Variants in BBS9 observed in about 807,000 individuals in gnomAD.
The protein encoded by BBS9 is Bardet-Biedl syndrome 9.
Under a neutral mutation model 117.7 loss-of-function variants are expected in BBS9, and 89 were observed. That is an observed-to-expected ratio of 0.76 (90% CI 0.64 to 0.90). The LOEUF (loss-of-function observed/expected upper bound fraction) is 0.90. Among genes scored for constraint, BBS9 ranks in the 40% least tolerant of loss-of-function variants. BBS9 has a pLI of 0.00. For synonymous variants in BBS9, 379 were observed against 370.9 expected (o/e 1.02, Z -0.25); for missense variants, 982 against 1,042.2 (o/e 0.94, Z 0.80).
intron 5 of BBS9, among the ~76,000 whole-genome samples, chr7:33,227,625 C>T (rs1340131506): frequency 6.6e-6 from 1 of 151,994 alleles, no homozygotes; most frequent in African/African-American, 2.4e-5. Flanking sequence ...CAACCTTCCC[C>T]CTACCCCCAA....
intron 19 of BBS9, among the ~76,000 whole-genome samples, chr7:33,452,232 T>C (rs1258543662): frequency 6.6e-6 from 1 of 152,104 alleles, no homozygotes; most frequent in African/African-American, 2.4e-5. Context: ...GTTTTTAGTG[T>C]ACAAGTCTTC....
At chr7:33,334,669 A>G (rs1468861642) in intron 9 of BBS9, among the ~76,000 whole-genome samples, 4 of 152,244 alleles carry the variant, frequency 2.6e-5, no homozygotes, top group South Asian at 2.1e-4. Context: ...TTTTTGGACT[A>G]TTTGTTTTCT....
intron 5 of BBS9, among the ~76,000 whole-genome samples, chr7:33,248,917 A>G (rs1426308623): frequency 6.6e-6 from 1 of 152,128 alleles, no homozygotes; most frequent in East Asian, 1.9e-4. Flanking sequence ...TGACAGCTGC[A>G]TGCTGAACTG....
intron 1 of BBS9, among the ~76,000 whole-genome samples, chr7:33,131,991 C>T (rs1311486096): frequency 6.6e-6 from 1 of 152,098 alleles, no homozygotes; most frequent in Non-Finnish European, 1.5e-5. Flanking sequence ...GATTATCTCC[C>T]ATTTATTATT....
intron 19 of BBS9, among the ~76,000 whole-genome samples, chr7:33,442,580 T>C (rs996343450): frequency 1.1e-4 from 16 of 152,212 alleles, no homozygotes; most frequent in African/African-American, 3.9e-4. Context: ...TTACAATTGA[T>C]TAAAATGGAA....
intron 17 of BBS9, among the ~76,000 whole-genome samples, chr7:33,368,581 C>G (rs1822239501): frequency 9.7e-6 from 1 of 102,860 alleles, no homozygotes; most frequent in African/African-American, 4.5e-5. Context: ...AAAAAGTACA[C>G]ACACACACAC....
intron 21 of BBS9, among the ~76,000 whole-genome samples, chr7:33,536,497 A>G (rs1310862125): frequency 6.6e-6 from 1 of 152,158 alleles, no homozygotes; most frequent in Non-Finnish European, 1.5e-5. Context: ...TCTTACAAAT[A>G]GAAAATGGAG....
At chr7:33,537,381 A>T (rs1285914115) in intron 21 of BBS9, among the ~76,000 whole-genome samples, 2 of 152,188 alleles carry the variant, frequency 1.3e-5, no homozygotes, top group African/African-American at 4.8e-5. Context: ...TCTTTGCCTT[A>T]CATTTCTCTT....
In BBS9 at chr7:33,377,556, G is replaced by C. The variant is rs554583491; in HGVS notation, c.1790-6110G>C. On this transcript the variant is annotated intron_variant, in intron 17 of 22. Transcript: ENST00000242067. ...AAAATAATTTTTTCTAGCTCTTGAA[G>C]ACTGTCATTGGTAGTTTAATTGGAA... is the stretch of plus-strand genomic sequence containing the variant. Among the ~76,000 whole-genome samples the C allele has an allele frequency of 5.9e-5, 9 of 152,198 alleles. No homozygotes were observed. In the South Asian group the frequency reaches 1.7e-3, roughly 28 times the overall value.
At chr7:33,305,097 C>A (rs1807596490) in intron 9 of BBS9, among the ~76,000 whole-genome samples, 1 of 150,716 alleles carries the variant, frequency 6.6e-6, no homozygotes, top group Admixed American at 6.6e-5. Context: ...CCTGCCACAT[C>A]CCCCTCTCCG....
At chr7:33,306,733 G>A (rs1039951258) in intron 9 of BBS9, among the ~76,000 whole-genome samples, 1 of 152,044 alleles carries the variant, frequency 6.6e-6, no homozygotes, top group African/African-American at 2.4e-5. Flanking sequence ...ATAAAAGATA[G>A]CTTTTTGAAA....
At chr7:33,498,392 A>G (rs935003282) in intron 19 of BBS9, among the ~76,000 whole-genome samples, 5 of 152,172 alleles carry the variant, frequency 3.3e-5, no homozygotes, top group African/African-American at 4.8e-5. Context: ...AAAGAGTATA[A>G]TTCAATGATT....
At chr7:33,449,493 C>T (rs372023562) in intron 19 of BBS9, among the ~76,000 whole-genome samples, 3 of 152,072 alleles carry the variant, frequency 2.0e-5, no homozygotes, top group African/African-American at 7.2e-5. Context: ...CCTGGAGAGG[C>T]TTGGGGGCTG....
intron 5 of BBS9, among the ~76,000 whole-genome samples, chr7:33,190,256 TC>T (rs1381027291): frequency 6.6e-6 from 1 of 151,588 alleles, no homozygotes; most frequent in Non-Finnish European, 1.5e-5. Flanking sequence ...AGCAGCTGGG[TC>T]CACAGGCACC....
chr7:33,385,690 A>G (rs1245240188), intron 18 of BBS9, among the ~76,000 whole-genome samples: 2 of 152,116 alleles, frequency 1.3e-5, no homozygotes, highest in African/African-American at 4.8e-5. Context: ...AAATTATACA[A>G]TTAAAAGAAT....
chr7:33,197,448 C>T (rs554146242), intron 5 of BBS9, among the ~76,000 whole-genome samples: 2 of 152,114 alleles, frequency 1.3e-5, no homozygotes, highest in East Asian at 3.9e-4. Flanking sequence ...TCCCCCGGGT[C>T]TCTCTTAAAT....
chr7:33,172,116 C>T (rs1796668060), intron 4 of BBS9, among the ~76,000 whole-genome samples: 1 of 152,092 alleles, frequency 6.6e-6, no homozygotes, highest in African/African-American at 2.4e-5. Context: ...TGTGGTGGCT[C>T]ACACCTGTAA....
intron 19 of BBS9, among the ~76,000 whole-genome samples, chr7:33,404,518 A>G (rs927798199): frequency 3.9e-5 from 6 of 152,098 alleles, no homozygotes; most frequent in Admixed American, 6.5e-5. Flanking sequence ...CTTTTATTTC[A>G]TTGAGCAGTG....
chr7:33,521,484 G>A (rs1044122193), intron 20 of BBS9, among the ~76,000 whole-genome samples: 5 of 152,072 alleles, frequency 3.3e-5, no homozygotes, highest in Admixed American at 1.3e-4. Context: ...ACAAAGATAC[G>A]GAGAACTCCA....
Sources: allele counts gnomAD v4.1 joint callset (sites outside exome capture counted in the v4.1 genomes callset), GRCh38; gene constraint gnomAD v4.1.1; transcripts MANE v1.5; gene names NCBI Gene and HGNC (gene_info 2026-07-23, HGNC 2026-07-21).